The following AACS variants were observed in gnomAD, a reference collection of about 807,000 sequenced individuals.
AACS encodes acetoacetyl-CoA synthetase, also known as acetoacetate-CoA ligase.
A neutral mutation model predicts 83.1 loss-of-function variants in AACS; 69 were observed. The observed-to-expected ratio is 0.83, with a 90% CI of 0.68 to 1.01. AACS has a LOEUF of 1.01. Ranked by LOEUF, AACS falls within the 50% of genes least tolerant of loss-of-function variation. The pLI, the probability that AACS is intolerant of heterozygous loss-of-function variation, is 0.00. For synonymous variants in AACS, 333 were observed against 343.4 expected, an observed-to-expected ratio of 0.97 and a Z score of 0.33; for missense variants, 866 against 882.2, an observed-to-expected ratio of 0.98 and a Z score of 0.23.
At chr12:125,119,515 A>T (rs1229481292) in intron 10 of AACS, among the ~76,000 whole-genome samples, 1 of 152,246 alleles carries the variant, frequency 6.6e-6, no homozygotes, top group Admixed American at 6.5e-5. Flanking sequence ...CCTCACAATC[A>T]TGATGGAAAG....
chr12:125,134,212 A>G, intron 15 of AACS, 140 bp downstream of exon 15: 1 of 841,530 alleles, frequency 1.2e-6, no homozygotes, highest in Non-Finnish European at 1.8e-6. Context: ...GGGTGTCCAC[A>G]CCACCCACAC....
chr12:125,131,759 C>T (rs1441961151), intron 14 of AACS, among the ~76,000 whole-genome samples: 1 of 151,950 alleles, frequency 6.6e-6, no homozygotes, highest in Non-Finnish European at 1.5e-5. Flanking sequence ...CCACCACGCC[C>T]AGCTAATTTT....
rs905499950 is a variant in AACS, at chr12:125,140,981, A to G, written c.1882-1111A>G. On this transcript the variant is annotated intron_variant, in intron 17 of 17. Transcript: ENST00000316519. This position sits in a 1 kb window ranked among gnomAD's most constrained non-coding sequence, Gnocchi z 5.1. ...AAAAAGTATAAATAAAAGTAAAATC[A>G]TCATAAAACATAGTAGCTAGGCACT... 1 of 152,220 alleles carries G rather than the reference A, an allele frequency of 6.6e-6. No homozygotes were observed. The highest frequency in any genetic ancestry group is 2.4e-5 in the African/African-American group (1 of 41,454). 9.4% of individuals were successfully genotyped at this position (152,220 alleles called of 1,614,324 possible).
Position 125,108,960 on chromosome 12 carries a change from G to A in AACS, c.915+1692G>A, listed in dbSNP as rs149436021. Among the ~76,000 whole-genome samples the A allele has an allele frequency of 2.8e-3, 408 of 147,610 alleles. 2 individuals are homozygous for A. Among genetic ancestry groups the A allele is most frequent in the Middle Eastern group, 0.011 (3 of 272 alleles). On this transcript the variant is annotated intron_variant, in intron 8 of 17. Coordinates refer to ENST00000316519, the MANE Select transcript of AACS (RefSeq NM_023928.5). ...ATTCCACCTGCCTTGGCCTCCCAAA[G>A]TGCTGGGATTACAGATGTGAGCCAC... is the stretch of plus-strand genomic sequence containing the variant.
At position 125,097,967 on chromosome 12, in the gene AACS, G is replaced by A. The variant is rs1050821708; in HGVS notation, c.571-4712G>A. ...GGCACTGCCATCTCTCACGCGTGCC[G>A]TCGTAGTAGCTTCCGACCAGTCTCA... On this transcript the variant is annotated intron_variant, in intron 5 of 17. Transcript: ENST00000316519. The surrounding 1 kb of genome is among the most constrained non-coding windows in gnomAD (Gnocchi z 4.3). 1.3e-5 allele frequency among the ~76,000 whole-genome samples: 2 copies of A among 152,190 alleles called. No individual in the cohort carries two copies. The highest frequency in any genetic ancestry group is 4.8e-5 in the African/African-American group (2 of 41,452).
intron 5 of AACS, among the ~76,000 whole-genome samples, chr12:125,096,057 T>C (rs1173731209): frequency 1.3e-5 from 2 of 152,208 alleles, no homozygotes; most frequent in East Asian, 1.9e-4. Context: ...CTCCACCTCC[T>C]GGGTTCACAC....
intron 5 of AACS, among the ~76,000 whole-genome samples, chr12:125,093,382 C>T (rs1363569310): frequency 3.3e-5 from 5 of 152,196 alleles, no homozygotes; most frequent in African/African-American, 1.2e-4. Context: ...CAGGGCTGGA[C>T]CCCAGCCTGT....
Position 125,133,935 on chromosome 12 carries a change from G to A in AACS, c.1550-68G>A, listed in dbSNP as rs954372526. On this transcript the variant is annotated intron_variant, in intron 14 of 17. Transcript: ENST00000316519. Reference sequence around the variant, plus strand: ...TGATGTCTGCGGACCTACACCCAGCGTCTGTCCAGGCAGCCTGTCATGGCC... The same window carrying A: ...TGATGTCTGCGGACCTACACCCAGCATCTGTCCAGGCAGCCTGTCATGGCC... The A allele has an allele frequency of 7.8e-5, 120 of 1,544,322 alleles. 1 individual carries two copies. The highest frequency in any genetic ancestry group is 1.7e-4 in the Middle Eastern group (1 of 5,926).
At chr12:125,137,412 C>G (rs1957416445) in intron 17 of AACS, among the ~76,000 whole-genome samples, 1 of 152,216 alleles carries the variant, frequency 6.6e-6, no homozygotes, top group Non-Finnish European at 1.5e-5. Flanking sequence ...AAACTCCTGA[C>G]CTCAAGTGAT....
rs1172552554 is a variant in AACS at position 125,076,513 on chromosome 12, T to C, written c.260T>C (p.Ile87Thr). 1.9e-6 allele frequency: 3 copies of C among 1,614,048 alleles called. No homozygotes were observed. The highest frequency in any genetic ancestry group is 2.2e-5 in the East Asian group (1 of 44,890). ...TAGGTTGTGGACACATCGAAAGGAA[T>C]CGCAGATGTCCCCGAGTGGTTCAAA... ...YDEVVDTSKGIADVPEWFKGS... is the reference protein window; with the variant it reads ...YDEVVDTSKGTADVPEWFKGS... The change falls in exon 3 of 18, where the codon ATC (isoleucine) becomes ACC (threonine). Residue 87 changes from isoleucine (I) to threonine (T), a missense_variant. Transcript: ENST00000316519.
At chr12:125,074,065 A>G in intron 2 of AACS, 86 bp downstream of exon 2, 3 of 1,134,218 alleles carry the variant, frequency 2.6e-6, no homozygotes, top group Non-Finnish European at 2.6e-6. Context: ...ACTGAATTGT[A>G]TCTCCTTTTT....
chr12:125,136,518 C>T, intron 16 of AACS, 144 bp from the exon 17 acceptor site: 1 of 637,360 alleles, frequency 1.6e-6, no homozygotes, highest in Non-Finnish European at 2.7e-6. Flanking sequence ...AGGCCCTTCT[C>T]CTGGGTGGAC....
rs1482603749 is a variant in AACS at position 125,114,363 on chromosome 12, G to T, written c.916-114G>T. On this transcript the variant is annotated intron_variant, in intron 8 of 17. Coordinates refer to ENST00000316519, the MANE Select transcript of AACS (RefSeq NM_023928.5). ...CTGCTTCTCCCAGGAAAGAAAATGGGGATCTGCTGGGGCTTCTTCCTGGCA... is the reference window on the plus strand; with the variant it reads ...CTGCTTCTCCCAGGAAAGAAAATGGTGATCTGCTGGGGCTTCTTCCTGGCA... 1.5e-5 allele frequency: 11 copies of T among 754,494 alleles called. No individual in the cohort carries two copies. The East Asian group carries it at 3.2e-4, about 22-fold the overall frequency. The allele number at this position is 754,494 out of a possible 1,614,324, so 46.7% of individuals were successfully genotyped here. A position where few individuals can be genotyped will look rare whatever the true frequency, so the allele number is the denominator to read the frequency against.
chr12:125,091,585 T>C (rs1956487739), intron 5 of AACS, 62 bp downstream of exon 5: 1 of 1,545,542 alleles, frequency 6.5e-7, no homozygotes, highest in African/African-American at 1.4e-5. Context: ...GGGCAGGGGC[T>C]GCATGGGCTG....
At chr12:125,085,612 A>T (rs995945021) in intron 3 of AACS, among the ~76,000 whole-genome samples, 1 of 152,228 alleles carries the variant, frequency 6.6e-6, no homozygotes, top group Non-Finnish European at 1.5e-5. Context: ...ACACACATGC[A>T]TGTTGCATCC....
intron 8 of AACS, 26 bp from the exon 9 acceptor site, chr12:125,114,451 C>A: frequency 1.2e-6 from 2 of 1,607,056 alleles, no homozygotes; most frequent in Non-Finnish European, 8.5e-7. Flanking sequence ...ACAGAGAGCA[C>A]CCGCTCCCCC....
At chr12:125,081,105 A>G (rs1048773176) in intron 3 of AACS, among the ~76,000 whole-genome samples, 1 of 151,588 alleles carries the variant, frequency 6.6e-6, no homozygotes, top group African/African-American at 2.4e-5. Context: ...CCATCCTTCC[A>G]CCTCAGCCTC....
chr12:125,083,633 C>A (rs1179296872), intron 3 of AACS, among the ~76,000 whole-genome samples: 1 of 151,778 alleles, frequency 6.6e-6, no homozygotes, highest in Non-Finnish European at 1.5e-5. Context: ...TACTACTGAG[C>A]AATAAAAGAA....
At position 125,116,174 on chromosome 12, in the gene AACS, G is replaced by A. The variant is rs1028798671; in HGVS notation, c.996+1617G>A. ...GCTGGGTCCTTTCTGAAACATTTCA[G>A]GGCGGGAAGCCCGGGCAGCAGCATC... On this transcript the variant is annotated intron_variant, in intron 9 of 17. Coordinates refer to ENST00000316519, the MANE Select transcript of AACS (RefSeq NM_023928.5). 2.2e-4 allele frequency among the ~76,000 whole-genome samples: 33 copies of A among 152,088 alleles called. 1 individual carries two copies. Among genetic ancestry groups the A allele is most frequent in the African/African-American group, 8.0e-4 (33 of 41,480 alleles).
Sources: allele counts gnomAD v4.1 joint callset (sites outside exome capture counted in the v4.1 genomes callset), GRCh38; gene constraint gnomAD v4.1.1; non-coding constraint Gnocchi (gnomAD v3.1); transcripts MANE v1.5; gene names NCBI Gene and HGNC (gene_info 2026-07-23, HGNC 2026-07-21).